Variants in DEPTOR observed in about 807,000 individuals in gnomAD.
DEPTOR encodes DEP domain-containing mTOR-interacting protein.
In DEPTOR, 41 loss-of-function variants were observed where a neutral mutation model predicts 41.6. The observed-to-expected ratio is 0.98, with a 90% confidence interval of 0.77 to 1.28. The LOEUF (loss-of-function observed/expected upper bound fraction) is 1.28, where lower values mean the gene tolerates loss of function less well. DEPTOR is among the 50% of genes most tolerant of loss of function. The probability of loss-of-function intolerance (pLI) is 0.00; values close to 1 mark genes in which losing one functional copy is unlikely to be tolerated. For synonymous variants in DEPTOR, 195 were observed against 192.3 expected (o/e 1.01, Z -0.12); for missense variants, 514 against 527.9 (o/e 0.97, Z 0.26).
At chr8:119,972,622 CAAAAAAAAAA>C (rs59750717) in intron 4 of DEPTOR, among the ~76,000 whole-genome samples, 55 of 138,278 alleles carry the variant, frequency 4.0e-4, no homozygotes, top group Middle Eastern at 3.6e-3. Context: ...GACTCTGTCT[CAAAAAAAAAA>C]AAAAAAAAAA....
At chr8:120,040,722 T>G (rs1331792016) in intron 8 of DEPTOR, among the ~76,000 whole-genome samples, 1 of 152,220 alleles carries the variant, frequency 6.6e-6, no homozygotes, top group Non-Finnish European at 1.5e-5. Flanking sequence ...TCTTCCTCAT[T>G]AAGTGGTGCA....
intron 3 of DEPTOR, among the ~76,000 whole-genome samples, chr8:119,935,372 G>A (rs113287591): frequency 5.3e-5 from 8 of 152,082 alleles, no homozygotes; most frequent in Non-Finnish European, 1.2e-4. Context: ...TGGTAGAAAG[G>A]GTTTTGAGTG....
intron 1 of DEPTOR, among the ~76,000 whole-genome samples, chr8:119,894,485 C>T (rs1249694328): frequency 6.6e-6 from 1 of 151,598 alleles, no homozygotes; most frequent in Admixed American, 6.6e-5. Context: ...CAAGCTCCGC[C>T]TCCTGGGTTC....
chr8:119,908,446 T>G (rs1457588173), intron 1 of DEPTOR, among the ~76,000 whole-genome samples: 1 of 152,158 alleles, frequency 6.6e-6, no homozygotes, highest in Non-Finnish European at 1.5e-5. Flanking sequence ...AAAAAAAATT[T>G]TTTTTAACCA....
intron 1 of DEPTOR, among the ~76,000 whole-genome samples, chr8:119,881,930 C>T (rs947695316): frequency 6.6e-6 from 1 of 152,156 alleles, no homozygotes; most frequent in African/African-American, 2.4e-5. Context: ...CTCACTCTGT[C>T]ACCCAGGTGG....
Position 119,928,427 on chromosome 8 carries a change from T to C in DEPTOR, c.150T>C (p.Ile50=), listed in dbSNP as rs143993565. 62 of 1,613,532 alleles carry C rather than the reference T, an allele frequency of 3.8e-5. No homozygotes were observed. In the African/African-American group the frequency reaches 6.7e-4, roughly 17 times the overall value. The change falls in exon 2 of 9, where the codon ATT becomes ATC. Residue 50 remains isoleucine (I), a synonymous_variant. Coordinates refer to ENST00000286234, the MANE Select transcript of DEPTOR (RefSeq NM_022783.4). ...LRLRLHEEKV[I]KDRRHHLKTY... is the part of the protein sequence containing the mutation. Reference sequence around the variant, plus strand: ...TCAGGCTGCACGAAGAAAAGGTTATTAAAGATAGACGTCATCATCTCAAGA... The same window carrying C: ...TCAGGCTGCACGAAGAAAAGGTTATCAAAGATAGACGTCATCATCTCAAGA...
intron 1 of DEPTOR, among the ~76,000 whole-genome samples, chr8:119,912,169 A>T (rs981100884): frequency 1.1e-4 from 16 of 152,348 alleles, no homozygotes; most frequent in African/African-American, 3.8e-4. Context: ...GAGGGAGAGC[A>T]TATTCTGAAA....
intron 1 of DEPTOR, among the ~76,000 whole-genome samples, chr8:119,906,508 A>G (rs7002839): frequency 0.5 from 75,753 of 151,890 alleles, 20,604 homozygotes; most frequent in East Asian, 0.92. Flanking sequence ...ATATGCTGAT[A>G]TTTTCTAGCT....
chr8:119,963,357 G>GT (rs567583089), intron 3 of DEPTOR, among the ~76,000 whole-genome samples: 5,421 of 145,882 alleles, frequency 0.037, 100 homozygotes, highest in African/African-American at 0.05. Flanking sequence ...GTTTTGTTTT[G>GT]TTTTTTTTTT....
rs1177103228 is a variant in DEPTOR at position 120,002,791 on chromosome 8, AAT to A, written c.791-166_791-165del. On this transcript the variant is annotated intron_variant, in intron 5 of 8. Transcript: ENST00000286234. ...GACTCCATCTCAAAAAAAAAAAAAA[AAT>A]ATATATATATATATATATAATATAA... 8.6e-4 allele frequency among the ~76,000 whole-genome samples: 52 copies of A among 60,670 alleles called. 2 individuals are homozygous for A. Among genetic ancestry groups the A allele is most frequent in the East Asian group, 6.2e-3 (12 of 1,926 alleles). 39.8% of individuals were successfully genotyped at this position (60,670 alleles called of 152,430 possible).
chr8:119,896,025 A>C (rs1827515914), intron 1 of DEPTOR, among the ~76,000 whole-genome samples: 1 of 151,894 alleles, frequency 6.6e-6, no homozygotes, highest in African/African-American at 2.4e-5. Flanking sequence ...ATACATGGCT[A>C]ATTTATTCCT....
chr8:119,992,533 G>A (rs536633787), intron 4 of DEPTOR, among the ~76,000 whole-genome samples: 1 of 152,204 alleles, frequency 6.6e-6, no homozygotes, highest in South Asian at 2.1e-4. Context: ...TGGTGCTATC[G>A]TAGTGCTGGA....
chr8:120,031,982 T>C (rs1456059845), intron 8 of DEPTOR, among the ~76,000 whole-genome samples: 1 of 152,076 alleles, frequency 6.6e-6, no homozygotes, highest in Non-Finnish European at 1.5e-5. Flanking sequence ...GGGCTGGCAG[T>C]TGGGATGAAG....
rs532225280 is a variant in DEPTOR, at chr8:119,889,953, GTTGTT to G, written c.122+16005_122+16009del. 1.5e-4 allele frequency among the ~76,000 whole-genome samples: 23 copies of G among 152,108 alleles called. No homozygotes were observed. The South Asian group carries it at 2.5e-3, about 16-fold the overall frequency. ...AAGTGATCAAGGTGTCTTTTTTGTT[GTTGTT>G]TTGTTTTGTTTTGTTTTGTGTTTTT... On this transcript the variant is annotated intron_variant, in intron 1 of 8. Coordinates refer to ENST00000286234, the MANE Select transcript of DEPTOR (RefSeq NM_022783.4).
At chr8:119,931,649 A>G (rs1828044890) in intron 3 of DEPTOR, among the ~76,000 whole-genome samples, 1 of 152,156 alleles carries the variant, frequency 6.6e-6, no homozygotes, top group African/African-American at 2.4e-5. Flanking sequence ...ATTTGTACTC[A>G]GTCTACTATC....
At chr8:119,929,514 A>G (rs1366276531) in intron 2 of DEPTOR, among the ~76,000 whole-genome samples, 1 of 152,172 alleles carries the variant, frequency 6.6e-6, no homozygotes, top group Non-Finnish European at 1.5e-5. Flanking sequence ...ATGCTTTAGA[A>G]GAATTTGTGG....
At chr8:119,997,836 A>G (rs556565167) in intron 4 of DEPTOR, among the ~76,000 whole-genome samples, 2 of 152,338 alleles carry the variant, frequency 1.3e-5, no homozygotes, top group Admixed American at 1.3e-4. Flanking sequence ...TTTGTGAAAT[A>G]GAAAAGAGAC....
chr8:120,032,427 G>A (rs1018820742), intron 8 of DEPTOR, among the ~76,000 whole-genome samples: 4 of 151,976 alleles, frequency 2.6e-5, no homozygotes, highest in Non-Finnish European at 5.9e-5. Flanking sequence ...CACCACATTG[G>A]CCAGGCTGGT....
intron 8 of DEPTOR, among the ~76,000 whole-genome samples, chr8:120,017,154 A>G (rs941090953): frequency 2.0e-5 from 3 of 152,210 alleles, no homozygotes; most frequent in Non-Finnish European, 4.4e-5. Context: ...ATGAACTGAT[A>G]CTTCCAAAGA....
Sources: gnomAD v4.1 joint callset for allele counts (sites outside exome capture counted in the v4.1 genomes callset) on GRCh38, gnomAD v4.1.1 for gene constraint, MANE v1.5 for transcripts, NCBI Gene and HGNC (gene_info 2026-07-23, HGNC 2026-07-21) for gene names.